The following WWOX variants were observed in gnomAD, a reference collection of about 807,000 sequenced individuals.
WWOX encodes WW domain-containing oxidoreductase.
Under a neutral mutation model 46.2 loss-of-function variants are expected in WWOX, and 69 were observed. That is an observed-to-expected ratio of 1.49 (90% confidence interval 1.23 to 1.82). The LOEUF is 1.82. Among genes scored for constraint, WWOX ranks in the 40% most tolerant of loss-of-function variants. The pLI, the probability that WWOX is intolerant of heterozygous loss-of-function variation, is 0.00. For synonymous variants in WWOX, 359 were observed against 202.6 expected (o/e 1.77, Z -6.56); for missense variants, 919 against 542.6 (o/e 1.69, Z -6.89).
chr16:78,959,331 C>G (rs2046229418), intron 8 of WWOX, among the ~76,000 whole-genome samples: 1 of 152,170 alleles, frequency 6.6e-6, no homozygotes. Flanking sequence ...TGCTGCCAGC[C>G]AAGTGCTGTG....
intron 8 of WWOX, among the ~76,000 whole-genome samples, chr16:79,098,035 C>G (rs901387349): frequency 6.6e-6 from 1 of 152,132 alleles, no homozygotes; most frequent in African/African-American, 2.4e-5. Flanking sequence ...CATTGCCTGT[C>G]CAATATCTAG....
At chr16:78,891,042 G>A (rs1420241677) in intron 8 of WWOX, 1 of 152,158 alleles carries the variant, frequency 6.6e-6, no homozygotes, top group Admixed American at 6.5e-5. Flanking sequence ...CCCTCAATAT[G>A]ATGGCTAGTC....
At chr16:78,827,420 G>T (rs1453930452) in intron 8 of WWOX, among the ~76,000 whole-genome samples, 4 of 152,072 alleles carry the variant, frequency 2.6e-5, no homozygotes. Context: ...TGGCTCCAGG[G>T]TCAGGTGTGT....
chr16:78,553,947 T>A (rs2044230699), intron 8 of WWOX, among the ~76,000 whole-genome samples: 1 of 151,952 alleles, frequency 6.6e-6, no homozygotes, highest in African/African-American at 2.4e-5. Context: ...AAAGGTCGGG[T>A]GTCATACAGC....
intron 8 of WWOX, among the ~76,000 whole-genome samples, chr16:79,084,183 A>C (rs1425275325): frequency 6.6e-5 from 10 of 152,180 alleles, no homozygotes; most frequent in Non-Finnish European, 1.5e-4. Context: ...GGTGTTCAGA[A>C]GGCCAGCTTG....
chr16:78,498,732 G>C (rs1169104475), intron 8 of WWOX, among the ~76,000 whole-genome samples: 2 of 152,124 alleles, frequency 1.3e-5, no homozygotes, highest in Non-Finnish European at 2.9e-5. Flanking sequence ...TTGCTCTGTT[G>C]CCCAGGCTGG....
intron 8 of WWOX, among the ~76,000 whole-genome samples, chr16:78,681,106 G>A (rs1475451508): frequency 6.6e-6 from 1 of 152,176 alleles, no homozygotes; most frequent in African/African-American, 2.4e-5. Flanking sequence ...AAAGATAGTT[G>A]AGCGTGGTGG....
chr16:78,133,785 T>C (rs1432049906), intron 4 of WWOX, among the ~76,000 whole-genome samples: 1 of 152,204 alleles, frequency 6.6e-6, no homozygotes, highest in Non-Finnish European at 1.5e-5. Context: ...CCAGACTGCA[T>C]GTCATGCGTA....
chr16:79,065,220 G>T (rs575236541), intron 8 of WWOX, among the ~76,000 whole-genome samples: 35 of 152,282 alleles, frequency 2.3e-4, no homozygotes, highest in Admixed American at 4.6e-4. Context: ...GGTTCTTCTT[G>T]CCTGCTGCAC....
At chr16:78,962,404 G>A (rs1181923014) in intron 8 of WWOX, among the ~76,000 whole-genome samples, 1 of 149,630 alleles carries the variant, frequency 6.7e-6, no homozygotes, top group Non-Finnish European at 1.5e-5. Flanking sequence ...GGGCTAGGAG[G>A]CTGAGGAGTT....
At chr16:79,077,547 C>G (rs747843194) in intron 8 of WWOX, 1 of 151,920 alleles carries the variant, frequency 6.6e-6, no homozygotes, top group African/African-American at 2.4e-5. Context: ...TTGTGAGGCT[C>G]ATTGCTTACA....
chr16:78,144,524 T>TATATA (rs1491445507), intron 4 of WWOX, among the ~76,000 whole-genome samples: 9 of 23,098 alleles, frequency 3.9e-4, no homozygotes, highest in African/African-American at 1.6e-3. Context: ...TATATATATA[T>TATATA]TTTTTTTTTT....
intron 3 of WWOX, among the ~76,000 whole-genome samples, chr16:78,110,789 C>A (rs536578322): frequency 6.6e-6 from 1 of 152,290 alleles, no homozygotes; most frequent in African/African-American, 2.4e-5. Context: ...GCCAGTGACA[C>A]AGACTTGAGG....
intron 8 of WWOX, among the ~76,000 whole-genome samples, chr16:78,695,848 G>T (rs1409198160): frequency 6.6e-6 from 1 of 152,198 alleles, no homozygotes; most frequent in African/African-American, 2.4e-5. Flanking sequence ...GTACGCTGTG[G>T]AAGGACAGAT....
intron 7 of WWOX, among the ~76,000 whole-genome samples, chr16:78,428,386 G>A (rs893267114): frequency 1.3e-5 from 2 of 152,166 alleles, no homozygotes; most frequent in African/African-American, 4.8e-5. Flanking sequence ...ACTTCCTGGA[G>A]GACTGTCAGT....
At chr16:78,824,380 A>G (rs1295151474) in intron 8 of WWOX, among the ~76,000 whole-genome samples, 1 of 152,202 alleles carries the variant, frequency 6.6e-6, no homozygotes, top group Non-Finnish European at 1.5e-5. Context: ...CATTGACTCT[A>G]CAACTCTGTT....
intron 8 of WWOX, among the ~76,000 whole-genome samples, chr16:78,575,518 C>T (rs991635076): frequency 6.6e-6 from 1 of 152,008 alleles, no homozygotes; most frequent in African/African-American, 2.4e-5. Flanking sequence ...TCTGATTTCA[C>T]CCCATCCTAA....
chr16:78,389,436 C>T (rs1597148871), intron 6 of WWOX, among the ~76,000 whole-genome samples: 1 of 152,308 alleles, frequency 6.6e-6, no homozygotes, highest in South Asian at 2.1e-4. Flanking sequence ...GGATGGCTGA[C>T]TCCTCAAACT....
At chr16:78,798,567 T>TC (rs938115751) in intron 8 of WWOX, among the ~76,000 whole-genome samples, 1 of 145,678 alleles carries the variant, frequency 6.9e-6, no homozygotes, top group African/African-American at 2.5e-5. Flanking sequence ...TATTCCTCCC[T>TC]CCCCCCAAGG....
Sources: allele counts gnomAD v4.1 joint callset (sites outside exome capture counted in the v4.1 genomes callset), GRCh38; gene constraint gnomAD v4.1.1; transcripts MANE v1.5; gene names NCBI Gene and HGNC (gene_info 2026-07-23, HGNC 2026-07-21).